The following CSNK2A2IP variants were observed in gnomAD, a reference collection of about 807,000 sequenced individuals.
CSNK2A2IP encodes casein kinase 2 subunit alpha' interacting protein, also known as casein kinase II subunit alpha'-interacting protein.
chr3:88,441,173 G>T, the CSNK2A2IP span, among the ~76,000 whole-genome samples: 1 of 152,080 alleles, frequency 6.6e-6, no homozygotes, highest in African/African-American at 2.4e-5. Context: ...ACATCAGAAA[G>T]GTATAAACCT....
At chr3:88,377,332 C>T in the CSNK2A2IP span, among the ~76,000 whole-genome samples, 31 of 151,872 alleles carry the variant, frequency 2.0e-4, no homozygotes, top group African/African-American at 7.2e-4. Context: ...TTTCTTTTAT[C>T]TCTATCTTTT....
chr3:88,376,311 C>T, the CSNK2A2IP span, among the ~76,000 whole-genome samples: 1 of 151,652 alleles, frequency 6.6e-6, no homozygotes, highest in Non-Finnish European at 1.5e-5. Flanking sequence ...GTATAGTCAG[C>T]TCTAGAATAG....
chr3:88,449,820 G>C, the CSNK2A2IP span, among the ~76,000 whole-genome samples: 464 of 47,010 alleles, frequency 9.9e-3, 15 homozygotes, highest in African/African-American at 0.024. Flanking sequence ...TTTATATCGA[G>C]ACACACACAC....
At chr3:88,411,379 GTCTATCTATCTA>G in the CSNK2A2IP span, among the ~76,000 whole-genome samples, 11 of 143,516 alleles carry the variant, frequency 7.7e-5, no homozygotes, top group East Asian at 2.0e-4. Flanking sequence ...CTATCTATCT[GTCTATCTATCTA>G]TCTATCTATC....
At chr3:88,441,736 A>C in the CSNK2A2IP span, among the ~76,000 whole-genome samples, 1 of 152,240 alleles carries the variant, frequency 6.6e-6, no homozygotes, top group South Asian at 2.1e-4. Flanking sequence ...TTTAGATGTA[A>C]AGTCTTCCTT....
the CSNK2A2IP span, among the ~76,000 whole-genome samples, chr3:88,408,065 A>C: frequency 2.0e-5 from 3 of 152,202 alleles, no homozygotes; most frequent in African/African-American, 7.2e-5. Context: ...ATTTTAAAAT[A>C]TACAATAAAG....
the CSNK2A2IP span, among the ~76,000 whole-genome samples, chr3:88,427,153 G>A: frequency 6.6e-6 from 1 of 152,180 alleles, no homozygotes; most frequent in South Asian, 2.1e-4. Flanking sequence ...AGGCTGAGGT[G>A]GTCTCAGATG....
At chr3:88,406,323 T>C in the CSNK2A2IP span, among the ~76,000 whole-genome samples, 7 of 152,214 alleles carry the variant, frequency 4.6e-5, no homozygotes, top group Non-Finnish European at 7.3e-5. Context: ...TGGTTATATG[T>C]ACTTTGAACC....
the CSNK2A2IP span, among the ~76,000 whole-genome samples, chr3:88,444,873 T>G: frequency 6.6e-6 from 1 of 152,238 alleles, no homozygotes. Flanking sequence ...TATAAGGTTC[T>G]TCCCTTTGTT....
the CSNK2A2IP span, among the ~76,000 whole-genome samples, chr3:88,365,344 T>C: frequency 2.0e-5 from 3 of 152,146 alleles, no homozygotes. Flanking sequence ...TCATTCATAT[T>C]TATGGACATT....
the CSNK2A2IP span, among the ~76,000 whole-genome samples, chr3:88,403,296 C>T: frequency 6.6e-6 from 1 of 151,894 alleles, no homozygotes; most frequent in African/African-American, 2.4e-5. Context: ...ATTAAATGCC[C>T]CCAAATATGA....
the CSNK2A2IP span, among the ~76,000 whole-genome samples, chr3:88,379,204 C>G: frequency 1.3e-5 from 2 of 151,998 alleles, no homozygotes; most frequent in Admixed American, 6.6e-5. Flanking sequence ...GCATTTTGCA[C>G]ATGGAAAGCT....
the CSNK2A2IP span, among the ~76,000 whole-genome samples, chr3:88,366,838 C>T: frequency 6.6e-6 from 1 of 152,092 alleles, no homozygotes; most frequent in Admixed American, 6.6e-5. Flanking sequence ...TTAATGAACT[C>T]ACAGTTCCAC....
the CSNK2A2IP span, among the ~76,000 whole-genome samples, chr3:88,408,030 A>G: frequency 6.6e-6 from 1 of 152,172 alleles, no homozygotes. Context: ...GCTGCAATCA[A>G]TTTATTTTTA....
chr3:88,417,443 T>G, the CSNK2A2IP span, among the ~76,000 whole-genome samples: 2 of 152,102 alleles, frequency 1.3e-5, no homozygotes, highest in Admixed American at 6.6e-5. Context: ...CAAGGGTGCT[T>G]GTGTTTGGGC....
the CSNK2A2IP span, among the ~76,000 whole-genome samples, chr3:88,407,292 C>CAA: frequency 0.14 from 14,470 of 102,624 alleles, 1,209 homozygotes; most frequent in Admixed American, 0.24. Context: ...CAGAAAAGTC[C>CAA]AAAAAAAAAA....
At chr3:88,416,750 T>A in the CSNK2A2IP span, among the ~76,000 whole-genome samples, 3 of 152,202 alleles carry the variant, frequency 2.0e-5, no homozygotes, top group Non-Finnish European at 4.4e-5. Context: ...TTACTTTCTT[T>A]TCAAGAAATA....
the CSNK2A2IP span, among the ~76,000 whole-genome samples, chr3:88,451,367 AT>A: frequency 6.7e-6 from 1 of 150,368 alleles, no homozygotes; most frequent in South Asian, 2.1e-4. Flanking sequence ...CCTATTGGCC[AT>A]TTTTATGTCT....
chr3:88,394,547 A>AT, the CSNK2A2IP span, among the ~76,000 whole-genome samples: 1 of 151,908 alleles, frequency 6.6e-6, no homozygotes, highest in Non-Finnish European at 1.5e-5. Context: ...GAATTTTTAT[A>AT]TTTTTTAGTA....
Sources: gnomAD v4.1 joint callset for allele counts (sites outside exome capture counted in the v4.1 genomes callset) on GRCh38, gnomAD v4.1.1 for gene constraint, MANE v1.5 for transcripts, NCBI Gene and HGNC (gene_info 2026-07-23, HGNC 2026-07-21) for gene names.